LEPR: variants seen among roughly 807,000 people sequenced by gnomAD.
LEPR encodes OB receptor.
A neutral mutation model predicts 114.7 loss-of-function variants in LEPR; 56 were observed. The ratio of observed to expected loss-of-function variants is 0.49; its 90% CI spans 0.39 to 0.61. The LOEUF (loss-of-function observed/expected upper bound fraction) is 0.61. Ranked by LOEUF, LEPR falls within the 20% of genes least tolerant of loss-of-function variation. The pLI is 0.00. For missense variants in LEPR, 1,202 were observed against 1,352.9 expected, an observed-to-expected ratio of 0.89 and a Z score of 1.75; for synonymous variants, 443 against 461.4, an observed-to-expected ratio of 0.96 and a Z score of 0.51.
intron 1 of LEPR, chr1:65,421,578 A>G: frequency 8.7e-7 from 1 of 1,149,234 alleles, no homozygotes; most frequent in Non-Finnish European, 1.3e-6. Context: ...CATCTGCTAT[A>G]AACATGTAGA....
chr1:65,421,057 C>T (rs1369596452), intron 1 of LEPR, among the ~76,000 whole-genome samples: 1 of 152,218 alleles, frequency 6.6e-6, no homozygotes. Context: ...ACAAGGTTTC[C>T]ACTTCTTGAC....
At chr1:65,501,124 A>G (rs1397761670) in intron 2 of LEPR, among the ~76,000 whole-genome samples, 3 of 152,028 alleles carry the variant, frequency 2.0e-5, no homozygotes, top group Non-Finnish European at 4.4e-5. Context: ...TACTACCTAT[A>G]TGGCTTCTCT....
At chr1:65,525,845 C>T (rs1649913425) in intron 2 of LEPR, 1 of 983,834 alleles carries the variant, frequency 1.0e-6, no homozygotes, top group African/African-American at 1.7e-5. Flanking sequence ...TCTCCGACAC[C>T]CCCTATTGCC....
At chr1:65,574,753 A>G (rs1251615860) in intron 5 of LEPR, among the ~76,000 whole-genome samples, 16 of 152,252 alleles carry the variant, frequency 1.1e-4, no homozygotes, top group Admixed American at 1.0e-3. Flanking sequence ...TGTCTTAATG[A>G]GCCAAAAAGT....
chr1:65,550,809 A>G (rs1256228704), intron 2 of LEPR, among the ~76,000 whole-genome samples: 1 of 152,076 alleles, frequency 6.6e-6, no homozygotes, highest in Non-Finnish European at 1.5e-5. Context: ...GCTCGCGCAC[A>G]GCGCGCTGCA....
intron 2 of LEPR, among the ~76,000 whole-genome samples, chr1:65,440,596 G>A (rs1319591691): frequency 2.6e-5 from 4 of 152,154 alleles, no homozygotes; most frequent in Non-Finnish European, 4.4e-5. Context: ...GCGGCAATGG[G>A]CAAGATGGTT....
At chr1:65,606,898 A>G (rs910604930) in intron 11 of LEPR, among the ~76,000 whole-genome samples, 1 of 152,234 alleles carries the variant, frequency 6.6e-6, no homozygotes, top group African/African-American at 2.4e-5. Flanking sequence ...AACAGTCAAA[A>G]GTATTATTGT....
Position 65,581,753 on chromosome 1 carries a change from C to T in LEPR, c.494+9304C>T, listed in dbSNP as rs114797269. ...TAAGGGCCCTTTCTTCAATGTATAT[C>T]TCTCCTCTTACAGCAAGAAGAAACC... On this transcript the variant is annotated intron_variant, in intron 5 of 19. Coordinates refer to ENST00000349533, the MANE Select transcript of LEPR (RefSeq NM_002303.6). 5.1e-3 allele frequency among the ~76,000 whole-genome samples: 769 copies of T among 152,268 alleles called. 10 individuals carry two copies. The highest frequency in any genetic ancestry group is 0.018 in the African/African-American group (740 of 41,544).
At chr1:65,600,190 G>A (rs1656350419) in intron 8 of LEPR, among the ~76,000 whole-genome samples, 1 of 152,098 alleles carries the variant, frequency 6.6e-6, no homozygotes, top group Non-Finnish European at 1.5e-5. Flanking sequence ...GGCGCATACT[G>A]AAGGTAGGTT....
chr1:65,570,243 CA>C (rs1216679163), intron 3 of LEPR, among the ~76,000 whole-genome samples: 4 of 152,010 alleles, frequency 2.6e-5, no homozygotes, highest in Admixed American at 6.6e-5. Context: ...TGTGAGTCTT[CA>C]AAAAGAAAAG....
rs1262447033 is a variant in LEPR at position 65,421,196 on chromosome 1, C to G, written c.-97+456C>G. ...CTCTTTTTCCTAATGATTTTTCCAA[C>G]TGGGCAGAGTTGACCGCGGGCGGGT... On this transcript the variant is annotated intron_variant, in intron 1 of 19. Transcript: ENST00000349533. 1.6e-5 allele frequency: 14 copies of G among 891,792 alleles called. No individual in the cohort carries two copies. In the East Asian group the frequency reaches 3.9e-4, roughly 25 times the overall value. The allele number at this position is 891,792 out of a possible 1,614,324, so 55.2% of individuals were successfully genotyped here.
At chr1:65,439,247 T>G (rs991347096) in intron 2 of LEPR, among the ~76,000 whole-genome samples, 2 of 152,108 alleles carry the variant, frequency 1.3e-5, no homozygotes, top group Non-Finnish European at 2.9e-5. Flanking sequence ...CCCGGTAAGA[T>G]TTTTAGGAGA....
chr1:65,588,731 T>A (rs1254220988), intron 5 of LEPR, among the ~76,000 whole-genome samples: 12 of 151,942 alleles, frequency 7.9e-5, no homozygotes, highest in Non-Finnish European at 1.5e-4. Flanking sequence ...ATGATTATCT[T>A]GAGATTCATT....
chr1:65,567,774 G>T (rs1332268887), intron 3 of LEPR, among the ~76,000 whole-genome samples: 2 of 151,996 alleles, frequency 1.3e-5, no homozygotes, highest in East Asian at 1.9e-4. Context: ...GCAGTTTTAG[G>T]TTCACAGCAA....
At chr1:65,438,041 A>T (rs1401654533) in intron 2 of LEPR, among the ~76,000 whole-genome samples, 1 of 150,678 alleles carries the variant, frequency 6.6e-6, no homozygotes, top group Admixed American at 6.6e-5. Flanking sequence ...CCCTGGCCTC[A>T]AGCAATCTTC....
intron 2 of LEPR, among the ~76,000 whole-genome samples, chr1:65,477,812 TCTCTCACC>T (rs1647175890): frequency 6.6e-6 from 1 of 152,230 alleles, no homozygotes. Context: ...ATCACATCTT[TCTCTCACC>T]CAGATTGCCT....
intron 2 of LEPR, chr1:65,431,807 A>G (rs978335157): frequency 6.2e-7 from 1 of 1,612,772 alleles, no homozygotes; most frequent in Non-Finnish European, 8.5e-7. Context: ...TTTCAGATCA[A>G]ATGGGGAGCC....
intron 2 of LEPR, among the ~76,000 whole-genome samples, chr1:65,455,741 C>T (rs1428012893): frequency 1.3e-5 from 2 of 152,058 alleles, no homozygotes; most frequent in Admixed American, 6.5e-5. Flanking sequence ...TTTTGTTTGT[C>T]TGTGCCCTGC....
intron 2 of LEPR, among the ~76,000 whole-genome samples, chr1:65,539,153 T>C (rs1445866004): frequency 6.6e-6 from 1 of 151,682 alleles, no homozygotes; most frequent in Admixed American, 6.6e-5. Context: ...CATGTAATTT[T>C]CAAAAGCTCT....
Sources: allele counts gnomAD v4.1 joint callset (sites outside exome capture counted in the v4.1 genomes callset), GRCh38; gene constraint gnomAD v4.1.1; transcripts MANE v1.5; gene names NCBI Gene and HGNC (gene_info 2026-07-23, HGNC 2026-07-21).